The following LARGE1 variants were observed in gnomAD, a reference collection of about 807,000 sequenced individuals.
LARGE1 encodes LARGE xylosyl- and glucuronyltransferase 1.
In LARGE1, 43 loss-of-function variants were observed where a neutral mutation model predicts 87.6. That is an observed-to-expected ratio of 0.49 (90% confidence interval 0.38 to 0.63). The LOEUF (loss-of-function observed/expected upper bound fraction) is 0.63. Among genes scored for constraint, LARGE1 ranks in the 30% least tolerant of loss-of-function variants. The pLI is 0.00. For synonymous variants in LARGE1, 434 were observed against 394.6 expected (o/e 1.10, Z -1.18); for missense variants, 802 against 1,000.2 (o/e 0.80, Z 2.67).
intron 11 of LARGE1, among the ~76,000 whole-genome samples, chr22:33,208,546 C>G (rs1373756311): frequency 6.6e-6 from 1 of 151,696 alleles, no homozygotes; most frequent in Non-Finnish European, 1.5e-5. Flanking sequence ...CTCAAATGGA[C>G]TCTTTACTAA....
chr22:33,138,339 C>T, the LARGE1 span, among the ~76,000 whole-genome samples: 1 of 152,176 alleles, frequency 6.6e-6, no homozygotes, highest in African/African-American at 2.4e-5. Flanking sequence ...ATGCCTGTAC[C>T]TCCATTGTAT....
chr22:33,228,119 A>T (rs996847685), intron 11 of LARGE1, among the ~76,000 whole-genome samples: 1 of 152,238 alleles, frequency 6.6e-6, no homozygotes, highest in Non-Finnish European at 1.5e-5. Context: ...GACCACAAGC[A>T]AGTTATTTAT....
intron 11 of LARGE1, among the ~76,000 whole-genome samples, chr22:33,315,866 G>A (rs1400679155): frequency 6.6e-6 from 1 of 152,154 alleles, no homozygotes; most frequent in Admixed American, 6.5e-5. Context: ...CTGACCTTGT[G>A]ATCTGCCTGC....
chr22:33,645,895 C>T (rs986040063), intron 3 of LARGE1, among the ~76,000 whole-genome samples: 2 of 152,104 alleles, frequency 1.3e-5, no homozygotes, highest in African/African-American at 4.8e-5. Context: ...AATGAGATAC[C>T]ATCTCATGCC....
chr22:33,244,138 G>A (rs369994759), intron 11 of LARGE1, among the ~76,000 whole-genome samples: 3 of 151,224 alleles, frequency 2.0e-5, no homozygotes, highest in Non-Finnish European at 2.9e-5. Flanking sequence ...ACAGGCACCC[G>A]CCACCAAGCC....
intron 11 of LARGE1, among the ~76,000 whole-genome samples, chr22:33,207,778 A>C (rs1049659494): frequency 1.3e-5 from 2 of 152,166 alleles, no homozygotes; most frequent in Non-Finnish European, 2.9e-5. Context: ...AGGGGATGCC[A>C]GGCTACCGTC....
At chr22:33,108,189 T>G in the LARGE1 span, among the ~76,000 whole-genome samples, 1 of 152,200 alleles carries the variant, frequency 6.6e-6, no homozygotes, top group Admixed American at 6.5e-5. Context: ...CACTCAGTAC[T>G]CAGCGTGTAC....
intron 3 of LARGE1, among the ~76,000 whole-genome samples, chr22:33,648,375 T>C (rs146919781): frequency 6.6e-6 from 1 of 152,330 alleles, no homozygotes; most frequent in East Asian, 1.9e-4. Context: ...TCCTTTTTTA[T>C]TTTTCCCCTC....
At chr22:33,861,548 C>G (rs1279566241) in intron 1 of LARGE1, 1 of 152,294 alleles carries the variant, frequency 6.6e-6, no homozygotes, top group Non-Finnish European at 1.5e-5. Context: ...AAGCCTCAGG[C>G]TCCTCACCCA....
chr22:33,471,013 A>G (rs2068812130), intron 6 of LARGE1, among the ~76,000 whole-genome samples: 1 of 150,184 alleles, frequency 6.7e-6, no homozygotes, highest in Non-Finnish European at 1.5e-5. Flanking sequence ...GAAACTTAAT[A>G]GTCTTTCTTC....
intron 1 of LARGE1, among the ~76,000 whole-genome samples, chr22:33,906,553 A>T (rs1445463292): frequency 6.6e-6 from 1 of 152,220 alleles, no homozygotes; most frequent in Non-Finnish European, 1.5e-5. Flanking sequence ...TAATACTTGT[A>T]AAGCACACCT....
In LARGE1 at chr22:33,359,797, C is replaced by A. The variant is rs963650974; in HGVS notation, c.1132-21996G>T. On this transcript the variant is annotated intron_variant, in intron 9 of 14. Transcript: ENST00000397394. The stretch of plus-strand genomic sequence containing the variant: ...GCCAGGATGGTCTCGATCTCCTGAC[C>A]TTGTGATCTGCCCGCCTCGGCCTCC... Among the ~76,000 whole-genome samples, 8 of 149,042 alleles carry A rather than the reference C, an allele frequency of 5.4e-5. 1 individual carries two copies. Among genetic ancestry groups the A allele is most frequent in the African/African-American group, 2.0e-4 (8 of 40,492 alleles).
intron 6 of LARGE1, among the ~76,000 whole-genome samples, chr22:33,455,757 C>CAA (rs35353034): frequency 0.02 from 1,270 of 63,498 alleles, 42 homozygotes; most frequent in African/African-American, 0.056. Context: ...CTGTCTCAGC[C>CAA]AAAAAAAAAA....
intron 2 of LARGE1, among the ~76,000 whole-genome samples, chr22:33,731,095 C>T (rs113582002): frequency 1.3e-3 from 191 of 151,456 alleles, no homozygotes; most frequent in Middle Eastern, 3.4e-3. Flanking sequence ...CTCCGCCTCC[C>T]GGGTTCACGC....
the LARGE1 span, among the ~76,000 whole-genome samples, chr22:33,154,675 A>G: frequency 6.6e-6 from 1 of 152,126 alleles, no homozygotes; most frequent in African/African-American, 2.4e-5. Flanking sequence ...TTTAAGAATC[A>G]TAATAAGTTA....
chr22:33,598,855 G>C (rs2079045203), intron 5 of LARGE1, among the ~76,000 whole-genome samples: 1 of 152,194 alleles, frequency 6.6e-6, no homozygotes, highest in Non-Finnish European at 1.5e-5. Flanking sequence ...TGTCTTTATA[G>C]TAGAATGATT....
At chr22:33,819,184 C>A (rs1342418755) in intron 1 of LARGE1, among the ~76,000 whole-genome samples, 1 of 152,106 alleles carries the variant, frequency 6.6e-6, no homozygotes, top group Non-Finnish European at 1.5e-5. Context: ...GCTTTGGGAT[C>A]CAAAAGTATG....
chr22:33,333,002 G>A (rs1375815439), intron 10 of LARGE1, among the ~76,000 whole-genome samples: 1 of 146,784 alleles, frequency 6.8e-6, no homozygotes, highest in Non-Finnish European at 1.5e-5. Context: ...TGCCTGGGAT[G>A]GGGCAATGTC....
intron 4 of LARGE1, among the ~76,000 whole-genome samples, chr22:33,622,596 G>A (rs912257388): frequency 1.3e-5 from 2 of 152,156 alleles, no homozygotes; most frequent in Non-Finnish European, 2.9e-5. Flanking sequence ...GGGTCCTGGG[G>A]TTCTCCTGAC....
Sources: gnomAD v4.1 joint callset for allele counts (sites outside exome capture counted in the v4.1 genomes callset) on GRCh38, gnomAD v4.1.1 for gene constraint, MANE v1.5 for transcripts, NCBI Gene and HGNC (gene_info 2026-07-23, HGNC 2026-07-21) for gene names.